The following RGP1 variants were observed in gnomAD, a reference collection of about 807,000 sequenced individuals.
RGP1 encodes the protein RAB6A-GEF complex partner protein 2.
Under a neutral mutation model 44.5 loss-of-function variants are expected in RGP1, and 28 were observed. The observed-to-expected ratio is 0.63, with a 90% CI of 0.47 to 0.86. The LOEUF (loss-of-function observed/expected upper bound fraction) is 0.86, where lower values mean the gene tolerates loss of function less well. RGP1 is among the 40% of genes least tolerant of loss of function. The probability of loss-of-function intolerance (pLI) is 0.00; values close to 1 mark genes in which losing one functional copy is unlikely to be tolerated. For synonymous variants in RGP1, 212 were observed against 196.7 expected, an observed-to-expected ratio of 1.08 and a Z score of -0.65; for missense variants, 417 against 490.7, an observed-to-expected ratio of 0.85 and a Z score of 1.42.
chr9:35,749,873 T>C lies in RGP1; in HGVS notation c.116+2T>C, dbSNP rs1827203778. 6.3e-7 allele frequency: 1 copy of C among 1,594,012 alleles called. No homozygotes were observed. Among genetic ancestry groups the C allele is most frequent in the Non-Finnish European group, 8.6e-7 (1 of 1,163,164 alleles). On this transcript the variant is annotated splice_donor_variant, in intron 2 of 8. Coordinates refer to ENST00000378078, the MANE Select transcript of RGP1 (RefSeq NM_001080496.3). LOFTEE classifies it high-confidence loss of function. This position sits in a 1 kb window ranked among gnomAD's most constrained non-coding sequence, Gnocchi z 4.4. ...GCCCACGGCCACTTCTGCATCCAGG[T>C]GGGGATGCTGGCACTGAAGGTGGTG...
In RGP1 at chr9:35,753,877, T is replaced by C. The variant is rs879157741; in HGVS notation, c.*1003T>C. 25 of 1,539,272 alleles carry C rather than the reference T, an allele frequency of 1.6e-5. No individual in the cohort carries two copies. In the South Asian group the frequency reaches 2.4e-4, roughly 15 times the overall value. On this transcript the variant is annotated 3_prime_UTR_variant, in exon 9 of 9. Coordinates refer to ENST00000378078, the MANE Select transcript of RGP1 (RefSeq NM_001080496.3). This position sits in a 1 kb window ranked among gnomAD's most constrained non-coding sequence, Gnocchi z 4.2. ...GTACGCACTATCCCCGTATTTAGTT[T>C]GTCTTTCCTGTTTCACAGCTGGAGG...
rs1211967832 is a variant in RGP1, at chr9:35,752,597, G to A, written c.953-54G>A. The A allele has an allele frequency of 7.8e-6, 11 of 1,403,982 alleles. No individual in the cohort carries two copies. The East Asian group carries it at 2.7e-4, about 34-fold the overall frequency. The allele number at this position is 1,403,982 out of a possible 1,614,324, so 87.0% of individuals were successfully genotyped here. ...ATTCACTAACTATATCCTGTCATTG[G>A]CTTTTACTCCTGCTAGCTTCTGATG... On this transcript the variant is annotated intron_variant, in intron 8 of 8. Coordinates refer to ENST00000378078, the MANE Select transcript of RGP1 (RefSeq NM_001080496.3).
the RGP1 span, among the ~76,000 whole-genome samples, chr9:35,782,356 A>G: frequency 1.3e-5 from 2 of 152,234 alleles, no homozygotes; most frequent in Middle Eastern, 3.2e-3. Flanking sequence ...TGAGCTGCAG[A>G]GCTCAAATAT....
the RGP1 span, among the ~76,000 whole-genome samples, chr9:35,787,145 AAG>A: frequency 2.6e-5 from 4 of 151,834 alleles, no homozygotes; most frequent in African/African-American, 4.8e-5. Context: ...AAAAATAAAA[AAG>A]AAAATATTTT....
Position 35,757,091 on chromosome 9 carries a change from T to TCCG in RGP1, c.*4221_*4223dup, listed in dbSNP as rs1457318957. 1.3e-5 allele frequency: 2 copies of TCCG among 152,118 alleles called. No homozygotes were observed. The highest frequency in any genetic ancestry group is 2.9e-5 in the Non-Finnish European group (2 of 68,124). 9.4% of individuals were successfully genotyped at this position (152,118 alleles called of 1,614,324 possible). ...TACACGCTTGGGAACAAGGAAAACA[T>TCCG]CCGCCGGAGGCCCGGCCGGGCGGCG... On this transcript the variant is annotated 3_prime_UTR_variant, in exon 9 of 9. Transcript: ENST00000378078.
the RGP1 span, among the ~76,000 whole-genome samples, chr9:35,767,284 T>TG: frequency 3.4e-5 from 1 of 29,472 alleles, no homozygotes; most frequent in Non-Finnish European, 6.3e-5. Context: ...AGCAAATTGG[T>TG]TTTTTTTTTT....
Position 35,756,927 on chromosome 9 carries a change from TG to T in RGP1, c.*4059del. On this transcript the variant is annotated 3_prime_UTR_variant, in exon 9 of 9. Coordinates refer to ENST00000378078, the MANE Select transcript of RGP1 (RefSeq NM_001080496.3). Reference sequence around the variant, plus strand: ...GAGCCAGGAGTCCTCTCCCAGAAGTTGGGGGGCGGTGCAGAGGTGTGGGTCG... The same window carrying T: ...GAGCCAGGAGTCCTCTCCCAGAAGTTGGGGGCGGTGCAGAGGTGTGGGTCG... 6.6e-6 allele frequency: 1 copy of T among 152,162 alleles called. No homozygotes were observed. The highest frequency in any genetic ancestry group is 1.5e-5 in the Non-Finnish European group (1 of 68,302). The allele number at this position is 152,162 out of a possible 1,614,324, so 9.4% of individuals were successfully genotyped here. A position where few individuals can be genotyped will look rare whatever the true frequency, so the allele number is the denominator to read the frequency against.
At chr9:35,783,342 C>T in the RGP1 span, among the ~76,000 whole-genome samples, 1 of 152,152 alleles carries the variant, frequency 6.6e-6, no homozygotes, top group African/African-American at 2.4e-5. Flanking sequence ...AAAATCCTCT[C>T]TTCTAGCTAT....
chr9:35,784,868 C>T, the RGP1 span, among the ~76,000 whole-genome samples: 37 of 152,204 alleles, frequency 2.4e-4, no homozygotes, highest in African/African-American at 8.4e-4. Context: ...CTTAGTCTTC[C>T]GAGTAGCTGA....
At chr9:35,772,019 A>G in the RGP1 span, 17 of 152,208 alleles carry the variant, frequency 1.1e-4, no homozygotes, top group Non-Finnish European at 2.1e-4. Context: ...TCTTTCTCAA[A>G]TATTCCAAGC....
Position 35,750,305 on chromosome 9 carries a change from T to C in RGP1, c.179T>C (p.Val60Ala). 6.2e-7 allele frequency: 1 copy of C among 1,613,852 alleles called. No homozygotes were observed. Among genetic ancestry groups the C allele is most frequent in the East Asian group, 2.2e-5 (1 of 44,862 alleles). Residue 60 changes from valine to alanine, a missense_variant, in exon 3 of 9, where the codon GTA becomes GCA. Coordinates refer to ENST00000378078, the MANE Select transcript of RGP1 (RefSeq NM_001080496.3). ...HCQFHASESR[V>A]ALPPPDSSQP... ...CAGTTCCATGCCAGTGAGAGTCGAG[T>C]AGCACTGCCTCCTCCTGACTCTAGT...
chr9:35,763,720 A>G, the RGP1 span, among the ~76,000 whole-genome samples: 1 of 151,912 alleles, frequency 6.6e-6, no homozygotes, highest in South Asian at 2.1e-4. Context: ...TGTCTCTACT[A>G]AAAATACAAA....
chr9:35,779,913 A>T, the RGP1 span, among the ~76,000 whole-genome samples: 28 of 151,282 alleles, frequency 1.9e-4, no homozygotes, highest in Admixed American at 1.6e-3. Flanking sequence ...TTAAAAAAAA[A>T]TTTTCTTAGA....
At chr9:35,763,873 C>T in the RGP1 span, among the ~76,000 whole-genome samples, 1 of 112,096 alleles carries the variant, frequency 8.9e-6, no homozygotes, top group Admixed American at 1.1e-4. Flanking sequence ...CAGAGTGAGA[C>T]TCCATCTCAA....
the RGP1 span, among the ~76,000 whole-genome samples, chr9:35,777,097 T>G: frequency 1.1e-3 from 165 of 150,458 alleles, 4 homozygotes; most frequent in Middle Eastern, 0.038. Context: ...TATGACATTA[T>G]ACATGAAGTT....
chr9:35,785,234 C>A, the RGP1 span, among the ~76,000 whole-genome samples: 1 of 152,134 alleles, frequency 6.6e-6, no homozygotes, highest in African/African-American at 2.4e-5. Context: ...AGTTCAGGGT[C>A]TGGAGATGGA....
chr9:35,777,640 TGTTCTA>T, the RGP1 span, among the ~76,000 whole-genome samples: 1 of 152,160 alleles, frequency 6.6e-6, no homozygotes, highest in African/African-American at 2.4e-5. Context: ...TCTTGTAAGA[TGTTCTA>T]GTTCTAACTC....
Position 35,749,767 on chromosome 9 carries a change from G to C in RGP1, c.12G>C (p.Val4=), listed in dbSNP as rs771175182. ...ATTCCGGAGCTGCCATGATTGAAGT[G>C]GTAGCAGAGCTCAGCCGGGGTCCTG... The part of the protein sequence containing the change: MIE[V]VAELSRGPVF... Residue 4 remains valine (V), a synonymous_variant, in exon 2 of 9, where the codon GTG becomes GTC. Coordinates refer to ENST00000378078, the MANE Select transcript of RGP1 (RefSeq NM_001080496.3). This position sits in a 1 kb window ranked among gnomAD's most constrained non-coding sequence, Gnocchi z 4.4. 6.2e-7 allele frequency: 1 copy of C among 1,612,848 alleles called. No homozygotes were observed. The highest frequency in any genetic ancestry group is 2.2e-5 in the East Asian group (1 of 44,876).
chr9:35,762,576 T>G (rs1467908097), downstream of RGP1, among the ~76,000 whole-genome samples: 1 of 152,204 alleles, frequency 6.6e-6, no homozygotes, highest in Non-Finnish European at 1.5e-5. Flanking sequence ...AAATTCATTA[T>G]TATTTTTCTA....
Sources: allele counts gnomAD v4.1 joint callset (sites outside exome capture counted in the v4.1 genomes callset), GRCh38; gene constraint gnomAD v4.1.1; non-coding constraint Gnocchi (gnomAD v3.1); transcripts MANE v1.5; gene names NCBI Gene and HGNC (gene_info 2026-07-23, HGNC 2026-07-21).